NPLOC4: variants seen among roughly 807,000 people sequenced by gnomAD.
NPLOC4 encodes nuclear protein localization protein 4 homolog.
In NPLOC4, 18 loss-of-function variants were observed where a neutral mutation model predicts 80.6. That is an observed-to-expected ratio of 0.22 (90% confidence interval 0.15 to 0.33). The LOEUF (loss-of-function observed/expected upper bound fraction) is 0.33. Ranked by LOEUF, NPLOC4 falls within the 10% of genes least tolerant of loss-of-function variation. The probability of loss-of-function intolerance (pLI) is 1.00; values close to 1 mark genes in which losing one functional copy is unlikely to be tolerated. For missense variants in NPLOC4, 540 were observed against 786.1 expected (o/e 0.69, Z 3.74); for synonymous variants, 313 against 301.5 (o/e 1.04, Z -0.39).
intron 3 of NPLOC4, among the ~76,000 whole-genome samples, chr17:81,619,203 A>T (rs1177432561): frequency 1.5e-4 from 3 of 20,570 alleles, no homozygotes; most frequent in African/African-American, 5.5e-4. Context: ...TGATCAATTA[A>T]AAAAAAAAAA....
intron 3 of NPLOC4, among the ~76,000 whole-genome samples, chr17:81,616,829 A>G (rs2035507005): frequency 6.6e-6 from 1 of 152,190 alleles, no homozygotes. Context: ...CACAGAAATT[A>G]TGAGACCGAA....
intron 12 of NPLOC4, among the ~76,000 whole-genome samples, chr17:81,573,974 G>A (rs551203714): frequency 1.2e-4 from 19 of 152,318 alleles, no homozygotes; most frequent in African/African-American, 3.8e-4. Flanking sequence ...CGCATTCTGC[G>A]CTCTGCTGGC....
At chr17:81,602,980 T>TACACACAC (rs150613321) in intron 8 of NPLOC4, among the ~76,000 whole-genome samples, 50 of 145,052 alleles carry the variant, frequency 3.4e-4, no homozygotes, top group East Asian at 1.9e-3. Context: ...TATACACAAA[T>TACACACAC]ACACACACAC....
intron 13 of NPLOC4, among the ~76,000 whole-genome samples, chr17:81,569,912 C>T (rs62073402): frequency 0.083 from 12,603 of 152,292 alleles, 595 homozygotes; most frequent in Middle Eastern, 0.17. Flanking sequence ...CTCCCCAAAG[C>T]AGCACCGAGT....
rs1483541605 is a variant in NPLOC4, at chr17:81,637,109, A to G, written c.-179T>C. ...CGCCGACGTCCCGGTGCCTCGCTCAATACGCTCCCCTCGGGCGCGAGGCCG... is the reference window on the plus strand; with the variant it reads ...CGCCGACGTCCCGGTGCCTCGCTCAGTACGCTCCCCTCGGGCGCGAGGCCG... On this transcript the variant is annotated 5_prime_UTR_variant, in exon 1 of 17. Transcript: ENST00000331134. The G allele has an allele frequency of 1.6e-5, 6 of 380,640 alleles. No individual in the cohort carries two copies. The highest frequency in any genetic ancestry group is 2.3e-5 in the Non-Finnish European group (5 of 216,670). The allele number at this position is 380,640 out of a possible 1,614,324, so 23.6% of individuals were successfully genotyped here.
chr17:81,607,925 C>T (rs758074329), intron 6 of NPLOC4, among the ~76,000 whole-genome samples: 5 of 152,236 alleles, frequency 3.3e-5, no homozygotes, highest in Non-Finnish European at 7.3e-5. Flanking sequence ...CCACCATCTC[C>T]TCGTTGCACT....
intron 11 of NPLOC4, among the ~76,000 whole-genome samples, chr17:81,593,992 G>A (rs1251861167): frequency 1.3e-5 from 2 of 152,104 alleles, no homozygotes; most frequent in African/African-American, 2.4e-5. Flanking sequence ...AATCTGACTC[G>A]GCCGGGCGCA....
intron 16 of NPLOC4, chr17:81,562,000 G>A (rs935795387): frequency 6.6e-6 from 1 of 152,340 alleles, no homozygotes; most frequent in Admixed American, 6.5e-5. Context: ...TTGGGAGACC[G>A]AGGCAGGTGG....
At chr17:81,607,957 G>A (rs1268542695) in intron 6 of NPLOC4, among the ~76,000 whole-genome samples, 1 of 152,232 alleles carries the variant, frequency 6.6e-6, no homozygotes, top group Non-Finnish European at 1.5e-5. Context: ...TAAAATAATA[G>A]CTGAAGCCTG....
chr17:81,572,147 T>C lies in NPLOC4; in HGVS notation c.1282-59A>G. The C allele has an allele frequency of 1.1e-6, 1 of 948,798 alleles. No individual in the cohort carries two copies. Among genetic ancestry groups the C allele is most frequent in the Non-Finnish European group, 1.5e-6 (1 of 650,082 alleles). 58.8% of individuals were successfully genotyped at this position (948,798 alleles called of 1,614,324 possible). A position where few individuals can be genotyped will look rare whatever the true frequency, so the allele number is the denominator to read the frequency against. ...AGACGATCAGTAGTAATGATTTTCC[T>C]TTCACATGCTTGTCTCACCTTTTAT... On this transcript the variant is annotated intron_variant, in intron 12 of 16. Coordinates refer to ENST00000331134, the MANE Select transcript of NPLOC4 (RefSeq NM_017921.4). The surrounding 1 kb of genome is among the most constrained non-coding windows in gnomAD (Gnocchi z 4.5).
intron 8 of NPLOC4, among the ~76,000 whole-genome samples, chr17:81,601,951 G>A (rs921330887): frequency 2.0e-5 from 3 of 152,102 alleles, no homozygotes; most frequent in African/African-American, 7.2e-5. Context: ...CTGCCTCCCA[G>A]GCAGGTTATC....
At position 81,558,035 on chromosome 17, in the gene NPLOC4, G is replaced by A. The variant is rs2033700888; in HGVS notation, c.*1224C>T. 1 of 152,416 alleles carries A rather than the reference G, an allele frequency of 6.6e-6. No individual in the cohort carries two copies. Among genetic ancestry groups the A allele is most frequent in the African/African-American group, 2.4e-5 (1 of 41,442 alleles). The allele number at this position is 152,416 out of a possible 1,614,324, so 9.4% of individuals were successfully genotyped here. ...CGTGGGTGCAGAGCAGCCCAGATGT[G>A]GCCATCATTAAGGCAAAGAAGCATC... On this transcript the variant is annotated 3_prime_UTR_variant, in exon 17 of 17. Transcript: ENST00000331134.
intron 8 of NPLOC4, 106 bp from the exon 9 acceptor site, chr17:81,600,533 C>A: frequency 1.3e-6 from 1 of 781,758 alleles, no homozygotes; most frequent in Non-Finnish European, 2.2e-6. Context: ...TGCTGGGGGC[C>A]TCCTTGTCAG....
chr17:81,594,290 A>G (rs2034833590), intron 11 of NPLOC4, among the ~76,000 whole-genome samples: 1 of 150,430 alleles, frequency 6.6e-6, no homozygotes, highest in South Asian at 2.1e-4. Flanking sequence ...AAAAAAAAAA[A>G]AAAAAAAAAA....
rs926290091 is a variant in NPLOC4, at chr17:81,602,335, C to T, written c.835-1908G>A. Reference sequence around the variant, plus strand: ...GCCAAGGCAGTAGGATCACTTGAGGCCAGGAGTTTGAGACCAGCGTGGGCC... The same window carrying T: ...GCCAAGGCAGTAGGATCACTTGAGGTCAGGAGTTTGAGACCAGCGTGGGCC... On this transcript the variant is annotated intron_variant, in intron 8 of 16. Transcript: ENST00000331134. 3.3e-5 allele frequency among the ~76,000 whole-genome samples: 5 copies of T among 152,024 alleles called. No individual in the cohort carries two copies. The East Asian group carries it at 9.7e-4, about 29-fold the overall frequency.
chr17:81,619,878 CAAA>C (rs1216157250), intron 3 of NPLOC4, among the ~76,000 whole-genome samples: 2 of 118,900 alleles, frequency 1.7e-5, no homozygotes, highest in Non-Finnish European at 3.6e-5. Context: ...GACTCCGTCT[CAAA>C]AAAAAAAAAA....
intron 1 of NPLOC4, among the ~76,000 whole-genome samples, chr17:81,633,623 G>A (rs2035987480): frequency 6.6e-6 from 1 of 152,204 alleles, no homozygotes; most frequent in Non-Finnish European, 1.5e-5. Context: ...GGTAACTTAA[G>A]TTTCCCTATT....
chr17:81,560,640 G>C (rs1047703135), intron 16 of NPLOC4: 2 of 152,470 alleles, frequency 1.3e-5, no homozygotes, highest in Non-Finnish European at 2.9e-5. Flanking sequence ...CTGGGAGGCG[G>C]AGGTTGCAGT....
chr17:81,625,443 A>G (rs1365144601), intron 2 of NPLOC4, among the ~76,000 whole-genome samples: 2 of 152,246 alleles, frequency 1.3e-5, no homozygotes, highest in Non-Finnish European at 2.9e-5. Context: ...ATGTACCCAA[A>G]TAAAAGGAAT....
Sources: allele counts gnomAD v4.1 joint callset (sites outside exome capture counted in the v4.1 genomes callset), GRCh38; gene constraint gnomAD v4.1.1; non-coding constraint Gnocchi (gnomAD v3.1); transcripts MANE v1.5; gene names NCBI Gene and HGNC (gene_info 2026-07-23, HGNC 2026-07-21).